Variants in ZNF385D observed in about 807,000 individuals in gnomAD.
ZNF385D encodes zinc finger protein 659.
Under a neutral mutation model 35.8 loss-of-function variants are expected in ZNF385D, and 15 were observed. The observed-to-expected ratio is 0.42, with a 90% CI of 0.28 to 0.64. ZNF385D has a LOEUF of 0.64. Among genes scored for constraint, ZNF385D ranks in the 30% least tolerant of loss-of-function variants. The pLI, the probability that ZNF385D is intolerant of heterozygous loss-of-function variation, is 0.23. For synonymous variants in ZNF385D, 212 were observed against 186.8 expected, an observed-to-expected ratio of 1.13 and a Z score of -1.10; for missense variants, 474 against 494.6, an observed-to-expected ratio of 0.96 and a Z score of 0.39.
At chr3:21,558,019 G>C (rs1159237283) in intron 3 of ZNF385D, among the ~76,000 whole-genome samples, 1 of 151,696 alleles carries the variant, frequency 6.6e-6, no homozygotes, top group South Asian at 2.1e-4. Flanking sequence ...ATTTTTTAGT[G>C]TGTCTATTTT....
intron 3 of ZNF385D, among the ~76,000 whole-genome samples, chr3:22,015,205 CATG>C (rs965559178): frequency 9.9e-5 from 15 of 152,272 alleles, no homozygotes; most frequent in South Asian, 2.1e-4. Context: ...AAGCATTAAA[CATG>C]ATGTCAGCTG....
chr3:22,068,960 T>C (rs1700099650), intron 3 of ZNF385D, among the ~76,000 whole-genome samples: 1 of 152,156 alleles, frequency 6.6e-6, no homozygotes, highest in Non-Finnish European at 1.5e-5. Flanking sequence ...ACATTACATA[T>C]CCAGGTGCTA....
chr3:22,136,124 C>T (rs959576256), intron 3 of ZNF385D, among the ~76,000 whole-genome samples: 1 of 152,180 alleles, frequency 6.6e-6, no homozygotes, highest in African/African-American at 2.4e-5. Context: ...TGGCTCATGC[C>T]TATAATCCTA....
chr3:22,211,764 C>T (rs903514144), intron 2 of ZNF385D, among the ~76,000 whole-genome samples: 33 of 152,020 alleles, frequency 2.2e-4, no homozygotes, highest in Non-Finnish European at 4.4e-4. Flanking sequence ...ACCTGACTGT[C>T]ATATTTCTTG....
intron 2 of ZNF385D, among the ~76,000 whole-genome samples, chr3:22,199,910 T>C (rs1195522477): frequency 6.6e-6 from 1 of 152,120 alleles, no homozygotes; most frequent in African/African-American, 2.4e-5. Flanking sequence ...TAGCAATGAC[T>C]ATTTAATATT....
chr3:22,178,346 C>A (rs1253379337), intron 2 of ZNF385D, among the ~76,000 whole-genome samples: 1 of 152,206 alleles, frequency 6.6e-6, no homozygotes, highest in African/African-American at 2.4e-5. Flanking sequence ...TGATGATAAG[C>A]ATTTTTTCAT....
intron 1 of ZNF385D, among the ~76,000 whole-genome samples, chr3:21,691,082 G>A (rs1352955636): frequency 6.6e-6 from 1 of 152,020 alleles, no homozygotes; most frequent in Admixed American, 6.6e-5. Context: ...GCTCTAGCCT[G>A]GACCACATGG....
intron 2 of ZNF385D, among the ~76,000 whole-genome samples, chr3:22,339,614 T>C (rs1231643027): frequency 1.3e-5 from 2 of 152,216 alleles, no homozygotes; most frequent in East Asian, 3.9e-4. Flanking sequence ...AATAAAGTAG[T>C]ACCTCTTCCT....
chr3:21,453,277 A>G (rs996480698), intron 4 of ZNF385D, among the ~76,000 whole-genome samples: 1 of 151,976 alleles, frequency 6.6e-6, no homozygotes, highest in Non-Finnish European at 1.5e-5. Context: ...AGAAAGAACT[A>G]TAGGAATAAA....
chr3:21,813,143 G>A (rs920037556), intron 3 of ZNF385D, among the ~76,000 whole-genome samples: 2 of 152,206 alleles, frequency 1.3e-5, no homozygotes, highest in African/African-American at 4.8e-5. Flanking sequence ...CTGACTGTTA[G>A]AAGGAAAACT....
At chr3:21,723,845 T>C (rs1430037922) in intron 1 of ZNF385D, among the ~76,000 whole-genome samples, 2 of 151,962 alleles carry the variant, frequency 1.3e-5, no homozygotes, top group Non-Finnish European at 2.9e-5. Flanking sequence ...AGACACATAA[T>C]GGTCAGATTT....
intron 3 of ZNF385D, among the ~76,000 whole-genome samples, chr3:21,769,640 T>A (rs1384118961): frequency 8.2e-6 from 1 of 121,234 alleles, no homozygotes; most frequent in Non-Finnish European, 1.7e-5. Flanking sequence ...AGAATCAATA[T>A]CATGAAAATG....
chr3:21,918,537 T>C (rs1222974589), intron 3 of ZNF385D, among the ~76,000 whole-genome samples: 2 of 152,182 alleles, frequency 1.3e-5, no homozygotes, highest in African/African-American at 2.4e-5. Flanking sequence ...TTGGATTATA[T>C]GTGAAATGCT....
intron 3 of ZNF385D, among the ~76,000 whole-genome samples, chr3:21,970,997 A>G (rs1227604719): frequency 3.9e-5 from 6 of 152,128 alleles, no homozygotes; most frequent in Non-Finnish European, 1.5e-5. Flanking sequence ...GGAGAAAGAA[A>G]TAGTTTTCCA....
intron 3 of ZNF385D, among the ~76,000 whole-genome samples, chr3:21,883,318 A>G (rs1442619363): frequency 1.3e-5 from 2 of 151,954 alleles, no homozygotes; most frequent in Non-Finnish European, 2.9e-5. Flanking sequence ...TTATCTCAAC[A>G]TAAACCAACA....
chr3:21,889,444 G>A (rs975902176), intron 3 of ZNF385D, among the ~76,000 whole-genome samples: 1 of 152,182 alleles, frequency 6.6e-6, no homozygotes, highest in African/African-American at 2.4e-5. Context: ...GATCCCCAGT[G>A]ATAGCACCCA....
chr3:21,803,579 T>G (rs544562420), intron 3 of ZNF385D, among the ~76,000 whole-genome samples: 2 of 152,150 alleles, frequency 1.3e-5, no homozygotes, highest in African/African-American at 4.8e-5. Flanking sequence ...TTACATAGAA[T>G]AGACATGAAA....
intron 3 of ZNF385D, among the ~76,000 whole-genome samples, chr3:21,978,670 C>T (rs1365389754): frequency 4.6e-5 from 7 of 152,056 alleles, no homozygotes; most frequent in Non-Finnish European, 7.4e-5. Flanking sequence ...CAAGACATTT[C>T]TATTATGTCT....
chr3:21,994,640 T>G (rs1410165562), intron 3 of ZNF385D, among the ~76,000 whole-genome samples: 1 of 152,242 alleles, frequency 6.6e-6, no homozygotes, highest in Non-Finnish European at 1.5e-5. Context: ...CATTGATATC[T>G]GCATATCTGA....
Sources: allele counts gnomAD v4.1 joint callset (sites outside exome capture counted in the v4.1 genomes callset), GRCh38; gene constraint gnomAD v4.1.1; transcripts MANE v1.5; gene names NCBI Gene and HGNC (gene_info 2026-07-23, HGNC 2026-07-21).